SNX18: variants seen among roughly 807,000 people sequenced by gnomAD.
SNX18 encodes the protein sorting nexin-18.
In SNX18, 35 loss-of-function variants were observed where a neutral mutation model predicts 48.7. That is an observed-to-expected ratio of 0.72 (90% CI 0.55 to 0.95). The LOEUF (loss-of-function observed/expected upper bound fraction) is 0.95, where lower values mean the gene tolerates loss of function less well. SNX18 is among the 40% of genes least tolerant of loss of function. The pLI, the probability that SNX18 is intolerant of heterozygous loss-of-function variation, is 0.00. For missense variants in SNX18, 824 were observed against 871.0 expected, an observed-to-expected ratio of 0.95 and a Z score of 0.68; for synonymous variants, 492 against 384.7, an observed-to-expected ratio of 1.28 and a Z score of -3.26.
chr5:54,592,879 C>A, the SNX18 span, among the ~76,000 whole-genome samples: 1 of 152,346 alleles, frequency 6.6e-6, no homozygotes, highest in East Asian at 1.9e-4. Flanking sequence ...CAGCTCACTG[C>A]AACCTCCACC....
the SNX18 span, among the ~76,000 whole-genome samples, chr5:54,589,740 A>G: frequency 6.6e-6 from 1 of 152,132 alleles, no homozygotes; most frequent in Non-Finnish European, 1.5e-5. Context: ...CCAGAGGGGG[A>G]AATGCCCAGT....
At position 54,518,234 on chromosome 5, in the gene SNX18, C is replaced by T. The variant is rs1761914284; in HGVS notation, c.282C>T (p.Pro94=). 6.3e-6 allele frequency: 9 copies of T among 1,434,344 alleles called. No homozygotes were observed. In the African/African-American group the frequency reaches 9.0e-5, roughly 14 times the overall value. 88.9% of individuals were successfully genotyped at this position (1,434,344 alleles called of 1,614,324 possible). A position where few individuals can be genotyped will look rare whatever the true frequency, so the allele number is the denominator to read the frequency against. Residue 94 remains proline (P), a synonymous_variant, in exon 1 of 2, where the codon CCC becomes CCT. Transcript: ENST00000381410. ...TCGAGCCCCTGCCTGTCGCGCCCCCCGCCTCCTTCAAGCCGCCGCCTGACG... is the reference window on the plus strand; with the variant it reads ...TCGAGCCCCTGCCTGTCGCGCCCCCTGCCTCCTTCAAGCCGCCGCCTGACG... ...GGFEPLPVAP[P]ASFKPPPDAF... is the part of the protein sequence containing the mutation.
At chr5:54,565,450 A>G in the SNX18 span, among the ~76,000 whole-genome samples, 3 of 152,136 alleles carry the variant, frequency 2.0e-5, no homozygotes, top group Admixed American at 2.0e-4. Flanking sequence ...GCATGCACCT[A>G]TAGTCCCAGT....
chr5:54,558,992 A>G, the SNX18 span, among the ~76,000 whole-genome samples: 1 of 152,160 alleles, frequency 6.6e-6, no homozygotes, highest in Non-Finnish European at 1.5e-5. Context: ...ACCAAAAAAA[A>G]AAATACCTAG....
At chr5:54,575,731 C>T in the SNX18 span, among the ~76,000 whole-genome samples, 2 of 152,032 alleles carry the variant, frequency 1.3e-5, no homozygotes, top group African/African-American at 4.8e-5. Context: ...AGCCCCACCC[C>T]ACCATACCAG....
At chr5:54,562,448 C>T in the SNX18 span, among the ~76,000 whole-genome samples, 1 of 152,090 alleles carries the variant, frequency 6.6e-6, no homozygotes, top group Non-Finnish European at 1.5e-5. Context: ...AGTTATGCAC[C>T]AAATAACAAT....
the SNX18 span, among the ~76,000 whole-genome samples, chr5:54,619,434 CA>C: frequency 1.3e-5 from 2 of 152,132 alleles, no homozygotes; most frequent in African/African-American, 4.8e-5. Flanking sequence ...TTGCCTGAGC[CA>C]GGGGAGGTCG....
chr5:54,524,363 G>A (rs562031799), intron 1 of SNX18, among the ~76,000 whole-genome samples: 247 of 152,240 alleles, frequency 1.6e-3, no homozygotes, highest in Non-Finnish European at 3.0e-3. Flanking sequence ...CAGTGGGACC[G>A]AAGGGAGGCA....
chr5:54,634,798 A>G, the SNX18 span, among the ~76,000 whole-genome samples: 7 of 152,330 alleles, frequency 4.6e-5, no homozygotes, highest in African/African-American at 1.7e-4. Context: ...ACATTTATAA[A>G]TATACACCAT....
At chr5:54,589,067 AG>A in the SNX18 span, among the ~76,000 whole-genome samples, 1 of 152,210 alleles carries the variant, frequency 6.6e-6, no homozygotes, top group Non-Finnish European at 1.5e-5. Context: ...ATCTTATAGA[AG>A]GTTGAAACTA....
At chr5:54,618,722 G>C in the SNX18 span, among the ~76,000 whole-genome samples, 5 of 152,124 alleles carry the variant, frequency 3.3e-5, no homozygotes, top group Non-Finnish European at 7.3e-5. Context: ...TTTAAACTTT[G>C]TATTGCTTCC....
the SNX18 span, among the ~76,000 whole-genome samples, chr5:54,566,652 A>G: frequency 6.6e-6 from 1 of 152,176 alleles, no homozygotes; most frequent in Admixed American, 6.5e-5. Context: ...CACCTGTCCC[A>G]TGTTCATGTA....
At chr5:54,634,036 C>T in the SNX18 span, among the ~76,000 whole-genome samples, 1 of 152,258 alleles carries the variant, frequency 6.6e-6, no homozygotes, top group African/African-American at 2.4e-5. Flanking sequence ...AAACAACAGC[C>T]CTGAGCAAAA....
At chr5:54,598,182 G>A in the SNX18 span, among the ~76,000 whole-genome samples, 14 of 152,172 alleles carry the variant, frequency 9.2e-5, no homozygotes. Context: ...GAACTGGGAA[G>A]AAGTTGAATC....
At chr5:54,541,372 C>T (rs1762467796) in intron 1 of SNX18, among the ~76,000 whole-genome samples, 1 of 152,080 alleles carries the variant, frequency 6.6e-6, no homozygotes, top group Non-Finnish European at 1.5e-5. Flanking sequence ...AAATGTGAAA[C>T]CTGTACAAAT....
the SNX18 span, among the ~76,000 whole-genome samples, chr5:54,596,432 G>A: frequency 2.6e-5 from 4 of 152,114 alleles, no homozygotes; most frequent in Non-Finnish European, 5.9e-5. Context: ...TCTACATTGG[G>A]CATTTGTTCA....
the SNX18 span, among the ~76,000 whole-genome samples, chr5:54,604,072 A>C: frequency 2.0e-4 from 30 of 152,308 alleles, 1 homozygote; most frequent in African/African-American, 7.0e-4. Context: ...AGGAATGGAG[A>C]AGACAGATGT....
rs1353851296 is a variant in SNX18, at chr5:54,518,678, C to T, written c.726C>T (p.Ala242=). ...FSTFVKSGGE[A]FVLGEASGFV... is the part of the protein sequence containing the mutation. ...CCTTCGTCAAGTCCGGCGGGGAGGC[C>T]TTCGTGCTGGGGGAGGCGTCAGGCT... The change falls in exon 1 of 2, where the codon GCC becomes GCT. Residue 242 remains alanine, a synonymous_variant. Transcript: ENST00000381410. 8.3e-6 allele frequency: 13 copies of T among 1,566,992 alleles called. No individual in the cohort carries two copies. The highest frequency in any genetic ancestry group is 6.0e-5 in the South Asian group (5 of 83,916).
At chr5:54,578,289 C>T in the SNX18 span, among the ~76,000 whole-genome samples, 1 of 152,234 alleles carries the variant, frequency 6.6e-6, no homozygotes, top group Non-Finnish European at 1.5e-5. Flanking sequence ...AAGAATTAAA[C>T]CTTTTGCTAA....
Sources: gnomAD v4.1 joint callset for allele counts (sites outside exome capture counted in the v4.1 genomes callset) on GRCh38, gnomAD v4.1.1 for gene constraint, MANE v1.5 for transcripts, NCBI Gene and HGNC (gene_info 2026-07-23, HGNC 2026-07-21) for gene names.